The following PROCR variants were observed in gnomAD, a reference collection of about 807,000 sequenced individuals.
PROCR encodes protein C receptor, also known as endothelial protein C receptor.
In PROCR, 22 loss-of-function variants were observed where a neutral mutation model predicts 24.2. The observed-to-expected ratio is 0.91, with a 90% CI of 0.65 to 1.30. PROCR has a LOEUF of 1.30. PROCR is among the 50% of genes most tolerant of loss of function. PROCR has a pLI of 0.00. For missense variants in PROCR, 288 were observed against 307.7 expected (o/e 0.94, Z 0.48); for synonymous variants, 137 against 139.2 (o/e 0.98, Z 0.11).
chr20:35,200,095 C>T (rs1213690426), intron 1 of PROCR, among the ~76,000 whole-genome samples: 1 of 152,166 alleles, frequency 6.6e-6, no homozygotes, highest in Non-Finnish European at 1.5e-5. Flanking sequence ...TGAGGAGTTG[C>T]TTCTTCTGGA....
chr20:35,171,164 G>C (rs2085947606), upstream of PROCR, among the ~76,000 whole-genome samples: 1 of 152,124 alleles, frequency 6.6e-6, no homozygotes, highest in African/African-American at 2.4e-5. Context: ...GCCTCCCAAA[G>C]TGCCAGCAGC....
At chr20:35,176,575 G>C in intron 3 of PROCR, 123 bp from the exon 4 acceptor site, 1 of 1,589,880 alleles carries the variant, frequency 6.3e-7, no homozygotes, top group Admixed American at 1.8e-5. Flanking sequence ...CAGAACACAC[G>C]CAGCTTCAGT....
At chr20:35,214,015 C>T (rs763941538) in intron 1 of PROCR, among the ~76,000 whole-genome samples, 3 of 151,850 alleles carry the variant, frequency 2.0e-5, no homozygotes, top group Non-Finnish European at 4.4e-5. Flanking sequence ...GCAGAGGTTT[C>T]GGTGAGCCGA....
intron 1 of PROCR, among the ~76,000 whole-genome samples, chr20:35,214,855 G>A (rs1326603309): frequency 1.3e-5 from 2 of 151,290 alleles, no homozygotes; most frequent in Non-Finnish European, 2.9e-5. Flanking sequence ...TCTAGATCCT[G>A]AACAATCAGA....
At chr20:35,182,989 A>G (rs1377503410) in intron 1 of PROCR, among the ~76,000 whole-genome samples, 8 of 91,994 alleles carry the variant, frequency 8.7e-5, no homozygotes, top group South Asian at 3.9e-4. Context: ...AAAAAAAAAA[A>G]AAAAAAAAAA....
chr20:35,211,150 G>T (rs1012711253), intron 1 of PROCR, among the ~76,000 whole-genome samples: 1 of 152,160 alleles, frequency 6.6e-6, no homozygotes, highest in Non-Finnish European at 1.5e-5. Flanking sequence ...ATCCATGCAT[G>T]AGTACCGCTT....
chr20:35,208,421 A>G (rs543239151), intron 1 of PROCR, among the ~76,000 whole-genome samples: 36 of 152,300 alleles, frequency 2.4e-4, no homozygotes, highest in Admixed American at 4.6e-4. Context: ...AAGCCCTTTT[A>G]CATCTGCTTA....
chr20:35,201,240 C>T (rs6142324), intron 1 of PROCR, among the ~76,000 whole-genome samples: 62,153 of 150,614 alleles, frequency 0.41, 13,435 homozygotes, highest in East Asian at 0.64. Flanking sequence ...TTCAAATAAT[C>T]CAAAATATAA....
At chr20:35,194,412 T>A (rs1393352061) in intron 1 of PROCR, among the ~76,000 whole-genome samples, 2 of 152,084 alleles carry the variant, frequency 1.3e-5, no homozygotes, top group African/African-American at 4.8e-5. Context: ...ACAGGGATAA[T>A]CAATAGAGAG....
chr20:35,172,689 AAGG>A (rs1481974126), intron 1 of PROCR, among the ~76,000 whole-genome samples: 2 of 152,048 alleles, frequency 1.3e-5, no homozygotes, highest in Non-Finnish European at 2.9e-5. Flanking sequence ...GGGAAAATGG[AAGG>A]AGACTGGTCG....
chr20:35,203,562 A>G (rs1188191957), intron 1 of PROCR, among the ~76,000 whole-genome samples: 2 of 152,008 alleles, frequency 1.3e-5, no homozygotes, highest in Non-Finnish European at 2.9e-5. Flanking sequence ...GGTTGCAGTG[A>G]GCTGAGATCG....
chr20:35,175,185 T>A (rs1461833935), intron 2 of PROCR, among the ~76,000 whole-genome samples: 1 of 151,634 alleles, frequency 6.6e-6, no homozygotes, highest in African/African-American at 2.4e-5. Flanking sequence ...TGGCATAACC[T>A]CTTGGGATAG....
chr20:35,186,208 A>G (rs1206807291), intron 1 of PROCR, among the ~76,000 whole-genome samples: 1 of 152,230 alleles, frequency 6.6e-6, no homozygotes, highest in Non-Finnish European at 1.5e-5. Context: ...ATTTTAATAC[A>G]ATGGAATATT....
At chr20:35,176,655 T>C (rs148966205) in intron 3 of PROCR, 43 bp from the exon 4 acceptor site, 2 of 1,577,938 alleles carry the variant, frequency 1.3e-6, no homozygotes, top group African/African-American at 2.7e-5. Context: ...CATGGACTCC[T>C]TGGGGGCCTA....
chr20:35,173,778 G>C (rs1292327857), intron 1 of PROCR, among the ~76,000 whole-genome samples: 2 of 152,186 alleles, frequency 1.3e-5, no homozygotes, highest in African/African-American at 4.8e-5. Flanking sequence ...GCAGAAAAAG[G>C]GAGGCAGAGC....
intron 1 of PROCR, among the ~76,000 whole-genome samples, chr20:35,190,996 A>T (rs193108729): frequency 7.9e-5 from 12 of 152,124 alleles, no homozygotes; most frequent in African/African-American, 2.7e-4. Context: ...AGTAGTTGGG[A>T]CTACAGGCAC....
rs1310905610 is a variant in PROCR, at chr20:35,176,806, G to A, written c.710G>A (p.Arg237Gln). Residue 237 changes from arginine to glutamine, a missense_variant, in exon 4 of 4, where the codon CGA (arginine) becomes CAA (glutamine). By Grantham distance (43) the Arg-to-Gln change is conservative (BLOSUM62 1). Transcript: ENST00000216968. Reference sequence around the variant, plus strand: ...ATCTTCCTGTGCACAGGTGGACGGCGATGTTAATTACTCTCCAGCCCCCTC... The same window carrying A: ...ATCTTCCTGTGCACAGGTGGACGGCAATGTTAATTACTCTCCAGCCCCCTC... ...VGIFLCTGGR[R>Q]C 8 of 1,613,834 alleles carry A rather than the reference G, an allele frequency of 5.0e-6. No homozygotes were observed. The highest frequency in any genetic ancestry group is 3.3e-5 in the Admixed American group (2 of 59,936).
chr20:35,194,876 A>G (rs2086203033), intron 1 of PROCR, among the ~76,000 whole-genome samples: 1 of 152,228 alleles, frequency 6.6e-6, no homozygotes, highest in African/African-American at 2.4e-5. Flanking sequence ...AGATAATTTA[A>G]ACAGGACTCA....
At chr20:35,172,043 C>T, upstream of PROCR, 1 of 954,580 alleles carries the variant, frequency 1.0e-6, no homozygotes, top group Non-Finnish European at 1.7e-6. Flanking sequence ...CCTCCTCTGC[C>T]CAGACTCCGC....
Sources: gnomAD v4.1 joint callset for allele counts (sites outside exome capture counted in the v4.1 genomes callset) on GRCh38, gnomAD v4.1.1 for gene constraint, MANE v1.5 for transcripts, NCBI Gene and HGNC (gene_info 2026-07-23, HGNC 2026-07-21) for gene names.